The following ADAM12 variants were observed in gnomAD, a reference collection of about 807,000 sequenced individuals.
ADAM12 encodes the protein disintegrin and metalloproteinase domain-containing protein 12.
A neutral mutation model predicts 106.4 loss-of-function variants in ADAM12; 70 were observed. The ratio of observed to expected loss-of-function variants is 0.66; its 90% CI spans 0.54 to 0.80. ADAM12 has a LOEUF of 0.80. Ranked by LOEUF, ADAM12 falls within the 30% of genes least tolerant of loss-of-function variation. The pLI, the probability that ADAM12 is intolerant of heterozygous loss-of-function variation, is 0.00. For missense variants in ADAM12, 1,010 were observed against 1,171.9 expected (o/e 0.86, Z 2.02); for synonymous variants, 420 against 433.5 (o/e 0.97, Z 0.39).
intron 20 of ADAM12, among the ~76,000 whole-genome samples, chr10:126,036,929 A>AT (rs150318587): frequency 0.015 from 2,260 of 152,304 alleles, 61 homozygotes; most frequent in African/African-American, 0.052. Context: ...CAACTTGGTC[A>AT]TTTTTTGACG....
intron 2 of ADAM12, among the ~76,000 whole-genome samples, chr10:126,310,992 G>T (rs1429226595): frequency 6.6e-6 from 1 of 152,034 alleles, no homozygotes; most frequent in Non-Finnish European, 1.5e-5. Flanking sequence ...GGTCGTTGCA[G>T]GGAAAATCTC....
Position 126,043,234 on chromosome 10 carries a change from G to A in ADAM12, c.1996-86C>T. 8.3e-7 allele frequency: 1 copy of A among 1,205,752 alleles called. No homozygotes were observed. The highest frequency in any genetic ancestry group is 1.2e-6 in the Non-Finnish European group (1 of 849,104). The allele number at this position is 1,205,752 out of a possible 1,614,324, so 74.7% of individuals were successfully genotyped here. ...AGAAGCAAGGGGGGCCATGGTCAGAGCCCCCCCCCAACACTGACACAGCCA... is the reference window on the plus strand; with the variant it reads ...AGAAGCAAGGGGGGCCATGGTCAGAACCCCCCCCCAACACTGACACAGCCA... On this transcript the variant is annotated intron_variant, in intron 17 of 22. Coordinates refer to ENST00000448723, the MANE Select transcript of ADAM12 (RefSeq NM_001288973.2). The surrounding 1 kb of genome is among the most constrained non-coding windows in gnomAD (Gnocchi z 4.1).
intron 3 of ADAM12, among the ~76,000 whole-genome samples, chr10:126,235,041 T>C (rs569763355): frequency 4.6e-4 from 70 of 151,912 alleles, no homozygotes; most frequent in Non-Finnish European, 8.8e-4. Flanking sequence ...TGGGAGGAGA[T>C]GGAAGAGTTG....
chr10:126,107,200 A>G (rs1278301), intron 8 of ADAM12, among the ~76,000 whole-genome samples: 146,243 of 152,262 alleles, frequency 0.96, 70,296 homozygotes, highest in East Asian at 1. Context: ...CTATGCTCAC[A>G]GTGAAACTGA....
chr10:126,049,755 G>A lies in ADAM12; in HGVS notation c.1610-86C>T. ...TGTAGGCCTCTCAAATGGTTACGGG[G>A]AGACGTGCTCAAAGCAATCACACCC... is the stretch of plus-strand genomic sequence containing the variant. On this transcript the variant is annotated intron_variant, in intron 14 of 22. Coordinates refer to ENST00000448723, the MANE Select transcript of ADAM12 (RefSeq NM_001288973.2). The surrounding 1 kb of genome is among the most constrained non-coding windows in gnomAD (Gnocchi z 4.4). The A allele has an allele frequency of 8.3e-7, 1 of 1,207,946 alleles. No homozygotes were observed. The highest frequency in any genetic ancestry group is 1.5e-5 in the African/African-American group (1 of 65,972). 74.8% of individuals were successfully genotyped at this position (1,207,946 alleles called of 1,614,324 possible). A position where few individuals can be genotyped will look rare whatever the true frequency, so the allele number is the denominator to read the frequency against.
At chr10:126,250,579 G>A (rs200427891) in intron 3 of ADAM12, among the ~76,000 whole-genome samples, 1 of 152,082 alleles carries the variant, frequency 6.6e-6, no homozygotes. Flanking sequence ...TTTGTGGCTT[G>A]GGGAATTAAA....
chr10:126,126,654 T>C (rs934353831), intron 5 of ADAM12, among the ~76,000 whole-genome samples: 4 of 151,590 alleles, frequency 2.6e-5, no homozygotes, highest in Admixed American at 2.6e-4. Context: ...CATGACCTTC[T>C]AGAATGTGCA....
chr10:126,203,491 G>A (rs967814238), intron 3 of ADAM12, among the ~76,000 whole-genome samples: 4 of 152,124 alleles, frequency 2.6e-5, no homozygotes, highest in African/African-American at 4.8e-5. Context: ...CATTTCAGAC[G>A]TTCTTTTTGA....
chr10:126,263,260 A>G (rs1202984895), intron 3 of ADAM12, among the ~76,000 whole-genome samples: 1 of 152,184 alleles, frequency 6.6e-6, no homozygotes, highest in Admixed American at 6.5e-5. Context: ...CTGAGGCCGA[A>G]CATCTTAGAG....
intron 3 of ADAM12, among the ~76,000 whole-genome samples, chr10:126,220,864 G>A (rs1327875165): frequency 6.6e-6 from 1 of 152,224 alleles, no homozygotes; most frequent in Non-Finnish European, 1.5e-5. Context: ...TTTCTCTGGG[G>A]CACCTGTGGG....
chr10:126,200,449 A>AC (rs1262668563), intron 3 of ADAM12, among the ~76,000 whole-genome samples: 1 of 152,148 alleles, frequency 6.6e-6, no homozygotes, highest in African/African-American at 2.4e-5. Flanking sequence ...GAGGTTAAAA[A>AC]CCAGAATTTT....
rs767142565 is a variant in ADAM12 at position 126,098,441 on chromosome 10, G to C, written c.971C>G (p.Ala324Gly). ...GMAPIMSMCT[A>G]DQSGGIVMDH... is the part of the protein sequence containing the mutation. ...CATGACAATTCCCCCAGACTGGTCT[G>C]CCGTGCACATGCTCATGATTGGGGC... The change falls in exon 10 of 23, where the codon GCA becomes GGA. Residue 324 changes from alanine (A) to glycine (G), a missense_variant. By Grantham distance (60) the Ala-to-Gly change is moderately conservative. Transcript: ENST00000448723. The C allele has an allele frequency of 2.4e-5, 39 of 1,614,106 alleles. No homozygotes were observed. Among genetic ancestry groups the C allele is most frequent in the Non-Finnish European group, 3.1e-5 (36 of 1,179,982 alleles).
chr10:126,082,464 G>A (rs958316815), intron 11 of ADAM12, among the ~76,000 whole-genome samples: 1 of 143,630 alleles, frequency 7.0e-6, no homozygotes, highest in Admixed American at 7.6e-5. Flanking sequence ...CGCCTCCCGG[G>A]TTCAAGCGAT....
Position 126,117,886 on chromosome 10 carries a change from TAATGTCTAC to T in ADAM12, c.603+143_603+151del, listed in dbSNP as rs1565070814. 4.7e-5 allele frequency: 7 copies of T among 149,616 alleles called. 2 individuals carry two copies. The highest frequency in any genetic ancestry group is 1.1e-4 in the Admixed American group (1 of 8,708). The allele number at this position is 149,616 out of a possible 1,614,324, so 9.3% of individuals were successfully genotyped here. ...TGGCTTATGGTTGTGTCCCACTGTA[TAATGTCTAC>T]CACCTCCAGATAAACTGGGCACTTC... On this transcript the variant is annotated intron_variant, in intron 6 of 22. Transcript: ENST00000448723.
At chr10:126,311,452 G>A (rs1329836766) in intron 2 of ADAM12, among the ~76,000 whole-genome samples, 1 of 152,046 alleles carries the variant, frequency 6.6e-6, no homozygotes, top group Non-Finnish European at 1.5e-5. Flanking sequence ...CCTGTTCCTG[G>A]AACAGAACTT....
Position 126,014,833 on chromosome 10 carries a change from T to A in ADAM12, c.*2446A>T, listed in dbSNP as rs78600521. The A allele has an allele frequency of 2.0e-5, 3 of 151,720 alleles. No individual in the cohort carries two copies. In the East Asian group the frequency reaches 5.8e-4, roughly 29 times the overall value. The allele number at this position is 151,720 out of a possible 1,614,324, so 9.4% of individuals were successfully genotyped here. ...TATTATTCATGCCTATACAGTCTTT[T>A]AAAAAAATACTAGATTGCCATTGAA... On this transcript the variant is annotated 3_prime_UTR_variant, in exon 23 of 23. Transcript: ENST00000448723.
chr10:126,299,753 C>T (rs1422123801), intron 2 of ADAM12, among the ~76,000 whole-genome samples: 1 of 152,154 alleles, frequency 6.6e-6, no homozygotes, highest in African/African-American at 2.4e-5. Flanking sequence ...AAACAATTCT[C>T]CTGCCTCAGC....
chr10:126,177,493 C>T lies in ADAM12; in HGVS notation c.261-22188G>A, dbSNP rs1457120890. ...AGAGATTACATAGCTTAAGACCACA[C>T]AGCTAATAAATTAGAGATACCAGAC... On this transcript the variant is annotated intron_variant, in intron 3 of 22. Transcript: ENST00000448723. 2.0e-5 allele frequency among the ~76,000 whole-genome samples: 3 copies of T among 152,164 alleles called. No homozygotes were observed. The East Asian group carries it at 5.8e-4, about 29-fold the overall frequency.
chr10:126,168,804 G>C (rs1424188235), intron 3 of ADAM12, among the ~76,000 whole-genome samples: 1 of 152,152 alleles, frequency 6.6e-6, no homozygotes, highest in Non-Finnish European at 1.5e-5. Context: ...GGGAATCCTA[G>C]CACTTTGGGA....
Sources: gnomAD v4.1 joint callset for allele counts (sites outside exome capture counted in the v4.1 genomes callset) on GRCh38, gnomAD v4.1.1 for gene constraint, Gnocchi (gnomAD v3.1) non-coding constraint, MANE v1.5 for transcripts, NCBI Gene and HGNC (gene_info 2026-07-23, HGNC 2026-07-21) for gene names.